Variants in PPP3CC observed in about 807,000 individuals in gnomAD.
PPP3CC encodes the protein protein phosphatase 3 catalytic subunit gamma.
A neutral mutation model predicts 60.3 loss-of-function variants in PPP3CC; 35 were observed. That is an observed-to-expected ratio of 0.58 (90% CI 0.44 to 0.77). The LOEUF is 0.77. PPP3CC is among the 30% of genes least tolerant of loss of function. The probability of loss-of-function intolerance (pLI) is 0.00; values close to 1 mark genes in which losing one functional copy is unlikely to be tolerated. For missense variants in PPP3CC, 570 were observed against 628.9 expected, an observed-to-expected ratio of 0.91 and a Z score of 1.00; for synonymous variants, 206 against 224.3, an observed-to-expected ratio of 0.92 and a Z score of 0.73.
intron 3 of PPP3CC, 157 bp downstream of exon 3, chr8:22,475,781 A>G: frequency 1.4e-6 from 1 of 732,288 alleles, no homozygotes; most frequent in Non-Finnish European, 2.1e-6. Context: ...TAATTGATAG[A>G]ACAGTTATTC....
At chr8:22,456,186 T>C (rs1299849328) in intron 1 of PPP3CC, among the ~76,000 whole-genome samples, 2 of 152,182 alleles carry the variant, frequency 1.3e-5, no homozygotes, top group Non-Finnish European at 2.9e-5. Context: ...AATAATAGCT[T>C]ATAGGCCAAT....
intron 6 of PPP3CC, among the ~76,000 whole-genome samples, chr8:22,514,621 G>T (rs980104067): frequency 2.0e-5 from 3 of 148,468 alleles, no homozygotes; most frequent in African/African-American, 7.4e-5. Flanking sequence ...TTTATCCTTT[G>T]TGTTACAAAC....
intron 1 of PPP3CC, among the ~76,000 whole-genome samples, chr8:22,467,894 G>C (rs149319953): frequency 1.2e-3 from 186 of 152,276 alleles, no homozygotes; most frequent in African/African-American, 4.3e-3. Context: ...GTGTCCTCAC[G>C]TGGCAGAAGG....
intron 3 of PPP3CC, among the ~76,000 whole-genome samples, chr8:22,487,172 A>G (rs991141808): frequency 1.3e-5 from 2 of 152,254 alleles, no homozygotes; most frequent in Non-Finnish European, 1.5e-5. Flanking sequence ...TTTTGAATAT[A>G]TCTGTGATGG....
rs753069480 is a variant in PPP3CC, at chr8:22,532,321, C to T, written c.1223+15C>T. On this transcript the variant is annotated intron_variant, in intron 11 of 13. Transcript: ENST00000240139. Reference sequence around the variant, plus strand: ...TCAATTCTTCGGTAAGGATGTCTGTCATTACAGTGCGGATTAAAGGCATTT... The same window carrying T: ...TCAATTCTTCGGTAAGGATGTCTGTTATTACAGTGCGGATTAAAGGCATTT... 1.3e-6 allele frequency: 2 copies of T among 1,590,936 alleles called. No homozygotes were observed. Among genetic ancestry groups the T allele is most frequent in the African/African-American group, 1.3e-5 (1 of 74,304 alleles).
At chr8:22,458,973 T>C (rs1837286748) in intron 1 of PPP3CC, among the ~76,000 whole-genome samples, 1 of 152,200 alleles carries the variant, frequency 6.6e-6, no homozygotes, top group Non-Finnish European at 1.5e-5. Flanking sequence ...TAGAATGATA[T>C]GAATAAAATG....
rs1438549839 is a variant in PPP3CC at position 22,502,439 on chromosome 8, CT to C, written c.484+4330del. ...AGTGGCTCATGCTCATAATCCTACA[CT>C]TTGGGAGGCCGAGATGGGGGCATTG... On this transcript the variant is annotated intron_variant, in intron 4 of 13. Transcript: ENST00000240139. 1.6e-4 allele frequency among the ~76,000 whole-genome samples: 24 copies of C among 152,286 alleles called. No individual in the cohort carries two copies. The East Asian group carries it at 4.6e-3, about 29-fold the overall frequency.
intron 1 of PPP3CC, among the ~76,000 whole-genome samples, chr8:22,445,395 CT>C (rs1836792135): frequency 6.6e-6 from 1 of 152,058 alleles, no homozygotes; most frequent in Non-Finnish European, 1.5e-5. Flanking sequence ...TAAATATAAG[CT>C]TAATCCTGCT....
intron 1 of PPP3CC, among the ~76,000 whole-genome samples, chr8:22,462,524 C>G (rs2132448446): frequency 1.3e-5 from 2 of 151,784 alleles, no homozygotes; most frequent in Non-Finnish European, 2.9e-5. Context: ...TGATGGTAGA[C>G]ATTTTGGCCT....
intron 10 of PPP3CC, among the ~76,000 whole-genome samples, chr8:22,529,365 G>A (rs112402893): frequency 0.02 from 2,996 of 152,284 alleles, 110 homozygotes; most frequent in African/African-American, 0.068. Context: ...ACTTGTTATA[G>A]TCTGGTGTTA....
chr8:22,532,887 G>C, intron 11 of PPP3CC, 34 bp from the exon 12 acceptor site: 2 of 1,440,898 alleles, frequency 1.4e-6, no homozygotes, highest in East Asian at 2.5e-5. Flanking sequence ...GAGAGTTCTC[G>C]GGCATTAACC....
intron 4 of PPP3CC, among the ~76,000 whole-genome samples, chr8:22,500,609 A>G (rs1838733840): frequency 1.3e-5 from 2 of 152,176 alleles, no homozygotes; most frequent in Non-Finnish European, 2.9e-5. Flanking sequence ...AATTCTTGCT[A>G]CCAGTATCTT....
intron 3 of PPP3CC, among the ~76,000 whole-genome samples, chr8:22,480,182 C>T (rs540504501): frequency 6.6e-6 from 1 of 152,118 alleles, no homozygotes; most frequent in East Asian, 1.9e-4. Context: ...TGAAAGTTTA[C>T]GATTGATAAG....
Position 22,497,887 on chromosome 8 carries a change from A to G in PPP3CC, c.373-114A>G, listed in dbSNP as rs80089626. The G allele has an allele frequency of 5.8e-3, 3,817 of 654,616 alleles. 111 individuals are homozygous for G. The highest frequency in any genetic ancestry group is 0.058 in the African/African-American group (3,146 of 54,110). 40.6% of individuals were successfully genotyped at this position (654,616 alleles called of 1,614,324 possible). ...CACATTCAAAAGGTTTCATTTTTCA[A>G]TTTGGGAGTAACAATGAGATATGCC... On this transcript the variant is annotated intron_variant, in intron 3 of 13. Transcript: ENST00000240139.
At chr8:22,462,720 G>A (rs965075267) in intron 1 of PPP3CC, among the ~76,000 whole-genome samples, 1 of 152,010 alleles carries the variant, frequency 6.6e-6, no homozygotes, top group East Asian at 1.9e-4. Flanking sequence ...ACAGGCACCC[G>A]CCACCATGCC....
chr8:22,464,633 C>T (rs577713041), intron 1 of PPP3CC, among the ~76,000 whole-genome samples: 2 of 152,304 alleles, frequency 1.3e-5, no homozygotes, highest in Non-Finnish European at 2.9e-5. Context: ...CCACCCACCT[C>T]AGCCTCCCAG....
In PPP3CC at chr8:22,522,769, T is replaced by C; in HGVS notation, c.943+20T>C. ...ATAAAGGTAAAGGAATCCAGCAATATTTGAGTTTGAATTTATGAGTAAACG... is the reference window on the plus strand; with the variant it reads ...ATAAAGGTAAAGGAATCCAGCAATACTTGAGTTTGAATTTATGAGTAAACG... On this transcript the variant is annotated intron_variant, in intron 8 of 13. Transcript: ENST00000240139. 1 of 1,512,590 alleles carries C rather than the reference T, an allele frequency of 6.6e-7. No homozygotes were observed. Among genetic ancestry groups the C allele is most frequent in the Admixed American group, 1.7e-5 (1 of 59,022 alleles). The allele number at this position is 1,512,590 out of a possible 1,614,324, so 93.7% of individuals were successfully genotyped here.
intron 1 of PPP3CC, among the ~76,000 whole-genome samples, chr8:22,444,339 TA>T (rs1185575607): frequency 1.3e-5 from 2 of 151,816 alleles, no homozygotes; most frequent in Admixed American, 1.3e-4. Context: ...GCAAGTGACA[TA>T]AAGCATGTGA....
At chr8:22,459,974 T>A (rs146052367) in intron 1 of PPP3CC, among the ~76,000 whole-genome samples, 1 of 152,174 alleles carries the variant, frequency 6.6e-6, no homozygotes, top group Non-Finnish European at 1.5e-5. Flanking sequence ...GGAGAAAATA[T>A]CTATACTGCA....
Sources: allele counts gnomAD v4.1 joint callset (sites outside exome capture counted in the v4.1 genomes callset), GRCh38; gene constraint gnomAD v4.1.1; transcripts MANE v1.5; gene names NCBI Gene and HGNC (gene_info 2026-07-23, HGNC 2026-07-21).